Variants in AKAP17A observed in about 807,000 individuals in gnomAD.
AKAP17A encodes A-kinase anchoring protein 17A, also known as A-kinase anchor protein 17A.
Under a neutral mutation model 52.2 loss-of-function variants are expected in AKAP17A, and 15 were observed. That is an observed-to-expected ratio of 0.29 (90% CI 0.19 to 0.44). The LOEUF is 0.44. Ranked by LOEUF, AKAP17A falls within the 20% of genes least tolerant of loss-of-function variation. The pLI, the probability that AKAP17A is intolerant of heterozygous loss-of-function variation, is 1.00. For missense variants in AKAP17A, 1,060 were observed against 1,007.0 expected (o/e 1.05, Z -0.71); for synonymous variants, 514 against 424.7 (o/e 1.21, Z -2.58).
At chrX:1,594,388 C>T (rs1932899923) in intron 2 of AKAP17A, among the ~76,000 whole-genome samples, 164 bp downstream of exon 2, 1 of 152,088 alleles carries the variant, frequency 6.6e-6, no homozygotes, top group Admixed American at 6.6e-5. Context: ...GAGGCACAGG[C>T]GTGAGGTGGA....
intron 3 of AKAP17A, among the ~76,000 whole-genome samples, chrX:1,597,587 C>G (rs1292022048): frequency 1.3e-5 from 2 of 151,576 alleles, no homozygotes; most frequent in Admixed American, 6.6e-5. Flanking sequence ...CAGACACAGC[C>G]CAGGCCTGGC....
intron 3 of AKAP17A, among the ~76,000 whole-genome samples, chrX:1,597,606 C>G (rs1274369823): frequency 7.2e-5 from 11 of 151,752 alleles, no homozygotes; most frequent in Admixed American, 2.0e-4. Context: ...GCTGAATGTG[C>G]CTGTCCACAT....
chrX:1,599,514 G>A (rs763333895), intron 4 of AKAP17A, 82 bp downstream of exon 4: 49 of 1,541,742 alleles, frequency 3.2e-5, no homozygotes, highest in South Asian at 8.3e-5. Context: ...GCGGCGTCAC[G>A]GCGCCGTTTC....
At chrX:1,600,203 T>G in intron 4 of AKAP17A, 2 of 1,311,114 alleles carry the variant, frequency 1.5e-6, no homozygotes, top group African/African-American at 3.0e-5. Context: ...AGTCCTTACC[T>G]CATGGTGAAT....
intron 3 of AKAP17A, among the ~76,000 whole-genome samples, chrX:1,596,283 A>G (rs1932975086): frequency 6.6e-6 from 1 of 152,030 alleles, no homozygotes; most frequent in Non-Finnish European, 1.5e-5. Context: ...GTTTCACATA[A>G]GAGGCCTTTA....
Position 1,597,976 on chromosome X carries a change from G to A in AKAP17A, c.912-1216G>A, listed in dbSNP as rs761185349. 1.3e-4 allele frequency among the ~76,000 whole-genome samples: 20 copies of A among 152,318 alleles called. No individual in the cohort carries two copies. In the East Asian group the frequency reaches 3.7e-3, roughly 28 times the overall value. ...CTGTCCCCCACTGTCCTTCCTCAGA[G>A]GCTGAGCATGAGGGGAGGCCCAGGG... On this transcript the variant is annotated intron_variant, in intron 3 of 4. Coordinates refer to ENST00000313871, the MANE Select transcript of AKAP17A (RefSeq NM_005088.3).
Position 1,595,386 on chromosome X carries a change from T to G in AKAP17A, c.765T>G (p.Val255=). 6.2e-7 allele frequency: 1 copy of G among 1,613,860 alleles called. No individual in the cohort carries two copies. The highest frequency in any genetic ancestry group is 8.5e-7 in the Non-Finnish European group (1 of 1,179,852). The part of the protein sequence containing the change: ...DGKAVACNIK[V]SFDSTKHLSD... ...TGACACTGTTTTTGCTTTTAAAGGT[T>G]TCTTTTGATTCGACCAAACACCTGA... Residue 255 remains valine, a splice_region_variant and synonymous_variant, in exon 3 of 5, where the codon GTT becomes GTG. Coordinates refer to ENST00000313871, the MANE Select transcript of AKAP17A (RefSeq NM_005088.3).
Position 1,593,621 on chromosome X carries a change from G to C in AKAP17A, c.159G>C (p.Glu53Asp). 6.2e-7 allele frequency: 1 copy of C among 1,613,910 alleles called. No individual in the cohort carries two copies. Among genetic ancestry groups the C allele is most frequent in the Non-Finnish European group, 8.5e-7 (1 of 1,179,876 alleles). The stretch of plus-strand genomic sequence containing the variant: ...CCATCTCCAACTGGGAGGTGATGGA[G>C]AGGCTGAAGGGCATGGTGCAGAACC... ...GKSISNWEVM[E>D]RLKGMVQNHQ... Residue 53 changes from glutamate (E) to aspartate (D), a missense_variant, in exon 2 of 5, where the codon GAG becomes GAC. Physicochemically the swap from Glu to Asp is conservative, Grantham distance 45 (BLOSUM62 2). Transcript: ENST00000313871.
In AKAP17A at chrX:1,599,221, G is replaced by A. The variant is rs147213357; in HGVS notation, c.941G>A (p.Arg314Gln). 3.1e-4 allele frequency: 499 copies of A among 1,612,328 alleles called. 2 individuals are homozygous for A. The highest frequency in any genetic ancestry group is 3.6e-4 in the Non-Finnish European group (430 of 1,179,856). ...CAAAAGGAGCTGGAAGAGCTGGAGC[G>A]AGAGAGGAAAAGAGAAGAGAAGCTT... Reference protein sequence around the residue: ...RKQKELEELERERKREEKLRK... With the variant: ...RKQKELEELEQERKREEKLRK... The change falls in exon 4 of 5, where the codon CGA (arginine) becomes CAA (glutamine). Residue 314 changes from arginine to glutamine, a missense_variant. Transcript: ENST00000313871.
In AKAP17A at chrX:1,599,286, C is replaced by A; in HGVS notation, c.1006C>A (p.Arg336=). The A allele has an allele frequency of 1.2e-6, 2 of 1,611,788 alleles. No individual in the cohort carries two copies. The highest frequency in any genetic ancestry group is 1.1e-5 in the South Asian group (1 of 90,872). The part of the protein sequence containing the change: ...EQKQRDRELR[R]NQKKLEKLQA... ...GAAGCAGAGGGACCGTGAGCTGCGC[C>A]GGAATCAGAAGAAGCTGGAGAAGCT... Residue 336 remains arginine (R), a synonymous_variant, in exon 4 of 5, where the codon CGG becomes AGG. Transcript: ENST00000313871.
chrX:1,592,321 A>G (rs1479620395), intron 1 of AKAP17A, among the ~76,000 whole-genome samples: 1 of 151,774 alleles, frequency 6.6e-6, no homozygotes, highest in Non-Finnish European at 1.5e-5. Context: ...CAGGGGTGCC[A>G]GCGGCAGCCT....
At chrX:1,594,775 C>G (rs1257409909) in intron 2 of AKAP17A, among the ~76,000 whole-genome samples, 1 of 152,068 alleles carries the variant, frequency 6.6e-6, no homozygotes, top group Non-Finnish European at 1.5e-5. Context: ...CGTGCCATCA[C>G]ACCTGGCTAA....
At chrX:1,595,953 C>T (rs1265709980) in intron 3 of AKAP17A, among the ~76,000 whole-genome samples, 1 of 152,136 alleles carries the variant, frequency 6.6e-6, no homozygotes, top group Non-Finnish European at 1.5e-5. Context: ...CCTGTGGGTG[C>T]TCAGCTGTGC....
chrX:1,595,270 AGCG>A, intron 2 of AKAP17A, 111 bp from the exon 3 acceptor site: 1 of 1,364,974 alleles, frequency 7.3e-7, no homozygotes, highest in Non-Finnish European at 1.0e-6. Flanking sequence ...GTGAGCGGTG[AGCG>A]GGCGCTCAGG....
intron 3 of AKAP17A, 34 bp from the exon 4 acceptor site, chrX:1,599,158 C>A (rs372188689): frequency 6.2e-7 from 1 of 1,603,670 alleles, no homozygotes; most frequent in South Asian, 1.1e-5. Flanking sequence ...GGCTGCGGCG[C>A]TCTCTGTGAC....
chrX:1,597,950 G>A (rs1933099404), intron 3 of AKAP17A, among the ~76,000 whole-genome samples: 1 of 152,134 alleles, frequency 6.6e-6, no homozygotes, highest in Admixed American at 6.5e-5. Flanking sequence ...ACTTGTCCCC[G>A]CTGTCCCCCA....
At position 1,601,524 on chromosome X, in the gene AKAP17A, G is replaced by A. The variant is rs375900983; in HGVS notation, c.2018G>A (p.Arg673His). 168 of 1,493,478 alleles carry A rather than the reference G, an allele frequency of 1.1e-4. 1 individual carries two copies. In the African/African-American group the frequency reaches 2.0e-3, roughly 18 times the overall value. 92.5% of individuals were successfully genotyped at this position (1,493,478 alleles called of 1,614,324 possible). A position where few individuals can be genotyped will look rare whatever the true frequency, so the allele number is the denominator to read the frequency against. Reference protein sequence around the residue: ...RRGSASRKHSRHRRRSERSRS... With the variant: ...RRGSASRKHSHHRRRSERSRS... ...GGCAGCGCCAGCAGGAAGCACAGCC[G>A]CCACCGCCGCCGAAGCGAGCGGTCG... Residue 673 changes from arginine (R) to histidine (H), a missense_variant, in exon 5 of 5, where the codon CGC becomes CAC. Transcript: ENST00000313871.
At chrX:1,593,338 C>T in intron 1 of AKAP17A, 106 bp from the exon 2 acceptor site, 2 of 1,095,302 alleles carry the variant, frequency 1.8e-6, no homozygotes, top group Non-Finnish European at 1.3e-6. Flanking sequence ...AGAGACACTG[C>T]TGTTTCTCTT....
In AKAP17A at chrX:1,593,585, G is replaced by C. The variant is rs775775869; in HGVS notation, c.123G>C (p.Gln41His). 6.2e-7 allele frequency: 1 copy of C among 1,613,848 alleles called. No individual in the cohort carries two copies. Among genetic ancestry groups the C allele is most frequent in the Non-Finnish European group, 8.5e-7 (1 of 1,179,864 alleles). ...GCGTGGCACTCCCGCAGCTGAAGCA[G>C]CCGGGGAAGTCCATCTCCAACTGGG... The part of the protein sequence containing the change: ...TISVALPQLK[Q>H]PGKSISNWEV... Residue 41 changes from glutamine to histidine, a missense_variant, in exon 2 of 5, where the codon CAG becomes CAC. Gln to His is a conservative substitution (Grantham distance 24). Transcript: ENST00000313871.
Sources: gnomAD v4.1 joint callset for allele counts (sites outside exome capture counted in the v4.1 genomes callset) on GRCh38, gnomAD v4.1.1 for gene constraint, MANE v1.5 for transcripts, NCBI Gene and HGNC (gene_info 2026-07-23, HGNC 2026-07-21) for gene names.